KPRP: variants seen among roughly 807,000 people sequenced by gnomAD.
The protein encoded by KPRP is keratinocyte proline-rich protein.
For missense variants in KPRP, 820 were observed against 746.4 expected (o/e 1.10, Z -1.15); for synonymous variants, 282 against 276.9 (o/e 1.02, Z -0.18).
At chr1:152,759,402 G>T (rs1402972028), upstream of KPRP, among the ~76,000 whole-genome samples, 1 of 152,114 alleles carries the variant, frequency 6.6e-6, no homozygotes, top group Non-Finnish European at 1.5e-5. Flanking sequence ...CCCAGGGCAG[G>T]TCTAACAGAT....
chr1:152,761,078 G>A (rs1651113105), exon 1 of KPRP: 1 of 1,613,922 alleles, frequency 6.2e-7, no homozygotes, highest in Non-Finnish European at 8.5e-7. Context: ...ACTTGGCGCA[G>A]CCCCAGCCCA....
At chr1:152,758,818 A>G (rs1179894917), upstream of KPRP, among the ~76,000 whole-genome samples, 1 of 152,264 alleles carries the variant, frequency 6.6e-6, no homozygotes, top group Non-Finnish European at 1.5e-5. Context: ...TCAGGTGATT[A>G]GCAACAGCAA....
exon 1 of KPRP, chr1:152,760,387 C>A (rs773354173): frequency 6.2e-7 from 1 of 1,614,126 alleles, no homozygotes; most frequent in African/African-American, 1.3e-5. Flanking sequence ...GCTTTTCCCC[C>A]GCAGCTGTTC....
chr1:152,760,719 T>C lies in KPRP; in HGVS notation c.1131T>C (p.Arg377=), dbSNP rs77759696. Residue 377 remains arginine (R), a synonymous_variant, in exon 1 of 1, where the codon CGT becomes CGC. Transcript: ENST00000606109. The stretch of plus-strand genomic sequence containing the variant: ...AGCTGAGGCCACACGTAGAGCCACG[T>C]CCACTCCCAAGCTTCTGTCCACCAC... 3.1e-3 allele frequency: 5,026 copies of C among 1,613,968 alleles called. 130 individuals carry two copies. The African/African-American group carries it at 0.058, about 19-fold the overall frequency.
exon 1 of KPRP, chr1:152,759,955 G>A (rs745652034): frequency 3.5e-5 from 57 of 1,614,078 alleles, no homozygotes; most frequent in Middle Eastern, 1.6e-4. Flanking sequence ...CGTGCAGTGC[G>A]AAGCGTCACA....
chr1:152,759,335 G>C (rs1651032541), upstream of KPRP, among the ~76,000 whole-genome samples: 1 of 152,178 alleles, frequency 6.6e-6, no homozygotes, highest in Non-Finnish European at 1.5e-5. Flanking sequence ...GGCATTGGTA[G>C]GTCCACCCCC....
At position 152,760,707 on chromosome 1, in the gene KPRP, C is replaced by A. The variant is rs111350576; in HGVS notation, c.1119C>A (p.His373Gln). Reference sequence around the variant, plus strand: ...CCTCCTGCCCTGAGCTGAGGCCACACGTAGAGCCACGTCCACTCCCAAGCT... The same window carrying A: ...CCTCCTGCCCTGAGCTGAGGCCACAAGTAGAGCCACGTCCACTCCCAAGCT... Residue 373 changes from histidine to glutamine, a missense_variant, in exon 1 of 1, where the codon CAC becomes CAA. Physicochemically the swap from His to Gln is conservative, Grantham distance 24 (BLOSUM62 0). Transcript: ENST00000606109. The A allele has an allele frequency of 3.8e-3, 6,072 of 1,613,794 alleles. 214 individuals are homozygous for A. The African/African-American group carries it at 0.069, about 18-fold the overall frequency.
At chr1:152,758,536 G>A (rs897541042), upstream of KPRP, among the ~76,000 whole-genome samples, 1 of 152,188 alleles carries the variant, frequency 6.6e-6, no homozygotes, top group Non-Finnish European at 1.5e-5. Context: ...TGGTCAGTGG[G>A]CTGCCTGCAC....
exon 1 of KPRP, chr1:152,761,177 G>A: frequency 6.2e-7 from 1 of 1,614,210 alleles, no homozygotes; most frequent in Non-Finnish European, 8.5e-7. Flanking sequence ...GCTCCCTACT[G>A]TGGCCCATCC....
chr1:152,759,945 C>T (rs781161487), exon 1 of KPRP: 23 of 1,614,096 alleles, frequency 1.4e-5, no homozygotes, highest in Admixed American at 1.2e-4. Flanking sequence ...AGGTGTCCTA[C>T]GTGCAGTGCG....
At chr1:152,761,483 A>G in exon 1 of KPRP, 21 of 1,363,326 alleles carry the variant, frequency 1.5e-5, no homozygotes, top group South Asian at 3.3e-5. Flanking sequence ...CTATCATCCA[A>G]AGATCCACAC....
At chr1:152,760,697 T>C (rs748071835) in exon 1 of KPRP, 1 of 1,613,660 alleles carries the variant, frequency 6.2e-7, no homozygotes, top group East Asian at 2.2e-5. Flanking sequence ...TGCCCTGAGC[T>C]GAGGCCACAC....
upstream of KPRP, among the ~76,000 whole-genome samples, chr1:152,758,087 CG>C (rs1322619201): frequency 1.3e-5 from 2 of 152,130 alleles, no homozygotes; most frequent in Admixed American, 6.5e-5. Context: ...ATCCTGGGAT[CG>C]GGGTGGATGT....
upstream of KPRP, among the ~76,000 whole-genome samples, chr1:152,759,008 T>A (rs1427525857): frequency 6.6e-6 from 1 of 152,252 alleles, no homozygotes; most frequent in Non-Finnish European, 1.5e-5. Flanking sequence ...AAACATTGAA[T>A]ATAGAGAAAC....
At chr1:152,759,957 A>G in exon 1 of KPRP, 1 of 1,614,220 alleles carries the variant, frequency 6.2e-7, no homozygotes, top group East Asian at 2.2e-5. Context: ...TGCAGTGCGA[A>G]GCGTCACAAC....
At chr1:152,761,525 G>C (rs1651131586) in exon 1 of KPRP, 4 of 1,016,058 alleles carry the variant, frequency 3.9e-6, no homozygotes, top group Non-Finnish European at 5.6e-6. Flanking sequence ...AGCCTCACGT[G>C]TCACTCCTCG....
chr1:152,760,366 C>G (rs769201947), exon 1 of KPRP: 1 of 1,614,196 alleles, frequency 6.2e-7, no homozygotes, highest in Non-Finnish European at 8.5e-7. Context: ...TCCTCCTCCT[C>G]GGCGGCTGCA....
upstream of KPRP, among the ~76,000 whole-genome samples, chr1:152,759,063 C>T (rs1461574099): frequency 6.6e-6 from 1 of 152,212 alleles, no homozygotes; most frequent in Non-Finnish European, 1.5e-5. Flanking sequence ...CCAGTGAATG[C>T]TTTGACATTT....
At chr1:152,761,783 A>G in exon 1 of KPRP, 1 of 177,854 alleles carries the variant, frequency 5.6e-6, no homozygotes, top group Non-Finnish European at 1.3e-5. Context: ...AACTCACTGC[A>G]TCCCCCGCAC....
Sources: allele counts gnomAD v4.1 joint callset (sites outside exome capture counted in the v4.1 genomes callset), GRCh38; gene constraint gnomAD v4.1.1; transcripts MANE v1.5; gene names NCBI Gene and HGNC (gene_info 2026-07-23, HGNC 2026-07-21).